SFSWAP: variants seen among roughly 807,000 people sequenced by gnomAD.
SFSWAP encodes the protein splicing factor, suppressor of white-apricot homolog.
A neutral mutation model predicts 100.7 loss-of-function variants in SFSWAP; 17 were observed. The observed-to-expected ratio is 0.17, with a 90% CI of 0.12 to 0.25. The LOEUF is 0.25. Ranked by LOEUF, SFSWAP falls within the 10% of genes least tolerant of loss-of-function variation. The pLI is 1.00. For missense variants in SFSWAP, 1,005 were observed against 1,262.6 expected, an observed-to-expected ratio of 0.80 and a Z score of 3.09; for synonymous variants, 504 against 510.1, an observed-to-expected ratio of 0.99 and a Z score of 0.16.
In SFSWAP at chr12:131,786,552, G is replaced by A. The variant is rs773451916; in HGVS notation, c.2498G>A (p.Arg833His). The change falls in exon 15 of 18, where the codon CGC becomes CAC. Residue 833 changes from arginine to histidine, a missense_variant. Arg to His is a conservative substitution (Grantham distance 29). This residue lies in a region of SFSWAP where 295 missense variants were observed against 347.9 expected (regional missense o/e 0.85). Coordinates refer to ENST00000261674, the MANE Select transcript of SFSWAP (RefSeq NM_004592.4). ...GTGCCCACTGCCTACCGCGTGAGCC[G>A]CAGCCCTGGGGCCAGTAGGAAGCGG... Reference protein sequence around the residue: ...RSVPTAYRVSRSPGASRKRTR... With the variant: ...RSVPTAYRVSHSPGASRKRTR... 22 of 1,587,752 alleles carry A rather than the reference G, an allele frequency of 1.4e-5. No homozygotes were observed. The highest frequency in any genetic ancestry group is 5.7e-5 in the South Asian group (5 of 87,080).
At position 131,766,106 on chromosome 12, in the gene SFSWAP, T is replaced by C; in HGVS notation, c.1952-12T>C. ...CTCTAAACTTCTCTTTTTTCTTTGT[T>C]TATTCCTTAAGCAAAGCAAAAGCTG... is the stretch of plus-strand genomic sequence containing the variant. On this transcript the variant is annotated splice_polypyrimidine_tract_variant and intron_variant, in intron 12 of 17. Coordinates refer to ENST00000261674, the MANE Select transcript of SFSWAP (RefSeq NM_004592.4). The C allele has an allele frequency of 6.3e-7, 1 of 1,591,218 alleles. No homozygotes were observed. Among genetic ancestry groups the C allele is most frequent in the Non-Finnish European group, 8.5e-7 (1 of 1,172,360 alleles).
chr12:131,772,115 C>T (rs1003014968), intron 13 of SFSWAP, among the ~76,000 whole-genome samples: 9 of 152,138 alleles, frequency 5.9e-5, no homozygotes, highest in African/African-American at 1.7e-4. Flanking sequence ...ATTTTTTCCC[C>T]GGTACATTTC....
rs199513769 is a variant in SFSWAP, at chr12:131,799,470, G to C, written c.2838G>C (p.Leu946=). 2.1e-4 allele frequency: 331 copies of C among 1,614,064 alleles called. 3 individuals are homozygous for C. In the South Asian group the frequency reaches 3.3e-3, roughly 16 times the overall value. The stretch of plus-strand genomic sequence containing the variant: ...CGATGCTTGCAGCTTCCAAAAACCT[G>C]CAAACCAGCGCTTCCTGAGACGGGG... ...VRAMLAASKN[L]QTSAS Residue 946 remains leucine, a synonymous_variant, in exon 18 of 18, where the codon CTG becomes CTC. Transcript: ENST00000261674.
chr12:131,744,155 C>T lies in SFSWAP; in HGVS notation c.1082-8968C>T, dbSNP rs974231034. On this transcript the variant is annotated intron_variant, in intron 7 of 17. Transcript: ENST00000261674. Reference sequence around the variant, plus strand: ...TGACATGTTCTAGAGACATTTTCTGCATTGTCTTGGGGATTCACATTCGGC... The same window carrying T: ...TGACATGTTCTAGAGACATTTTCTGTATTGTCTTGGGGATTCACATTCGGC... 4.0e-4 allele frequency among the ~76,000 whole-genome samples: 61 copies of T among 152,228 alleles called. 1 individual carries two copies.
chr12:131,759,668 G>A (rs1487320852), intron 11 of SFSWAP, among the ~76,000 whole-genome samples: 1 of 152,118 alleles, frequency 6.6e-6, no homozygotes, highest in Non-Finnish European at 1.5e-5. Context: ...GGGCGTGGTG[G>A]CGGGCGCCTG....
At chr12:131,789,670 C>T (rs1885120438) in intron 15 of SFSWAP, among the ~76,000 whole-genome samples, 2 of 151,516 alleles carry the variant, frequency 1.3e-5, no homozygotes, top group Admixed American at 1.3e-4. Context: ...CTCCCTCCCT[C>T]CTCCGTTCGT....
At chr12:131,753,512 T>C in intron 8 of SFSWAP, 149 bp downstream of exon 8, 1 of 1,071,090 alleles carries the variant, frequency 9.3e-7, no homozygotes. Flanking sequence ...ATCCCCAAGT[T>C]ACAAAGTTGA....
At chr12:131,735,971 C>G (rs1344495779) in intron 7 of SFSWAP, among the ~76,000 whole-genome samples, 1 of 152,226 alleles carries the variant, frequency 6.6e-6, no homozygotes, top group Non-Finnish European at 1.5e-5. Context: ...AGAGACTCTA[C>G]TGTTAAAAGC....
At chr12:131,768,125 C>T (rs758525214) in intron 13 of SFSWAP, among the ~76,000 whole-genome samples, 13 of 152,232 alleles carry the variant, frequency 8.5e-5, no homozygotes, top group Non-Finnish European at 1.3e-4. Flanking sequence ...GACTGCTCTG[C>T]CCTGAATACT....
At position 131,714,577 on chromosome 12, in the gene SFSWAP, A is replaced by C. The variant is rs1225787116; in HGVS notation, c.389-245A>C. On this transcript the variant is annotated intron_variant, in intron 2 of 17. Coordinates refer to ENST00000261674, the MANE Select transcript of SFSWAP (RefSeq NM_004592.4). This position sits in a 1 kb window ranked among gnomAD's most constrained non-coding sequence, Gnocchi z 6.0. ...GTCTTTAATACAGTTCTTAATCCCA[A>C]AATTTTCTCAGCAGGAAGAAATTTT... 1.9e-6 allele frequency: 1 copy of C among 521,020 alleles called. No individual in the cohort carries two copies. Among genetic ancestry groups the C allele is most frequent in the African/African-American group, 1.9e-5 (1 of 52,782 alleles). 32.3% of individuals were successfully genotyped at this position (521,020 alleles called of 1,614,324 possible). A position where few individuals can be genotyped will look rare whatever the true frequency, so the allele number is the denominator to read the frequency against.
At chr12:131,740,476 C>A (rs1443355333) in intron 7 of SFSWAP, among the ~76,000 whole-genome samples, 1 of 152,150 alleles carries the variant, frequency 6.6e-6, no homozygotes, top group African/African-American at 2.4e-5. Flanking sequence ...ATATTGTATA[C>A]CTTTCAGTCA....
intron 15 of SFSWAP, among the ~76,000 whole-genome samples, chr12:131,789,426 A>C (rs939434836): frequency 2.0e-5 from 3 of 152,134 alleles, no homozygotes; most frequent in African/African-American, 7.2e-5. Context: ...GGAGGCCAAG[A>C]TAGCAGGATC....
At chr12:131,799,250 G>A in intron 17 of SFSWAP, 141 bp downstream of exon 17, 1 of 1,003,754 alleles carries the variant, frequency 1.0e-6, no homozygotes, top group South Asian at 1.4e-5. Context: ...GGCTCTGGGT[G>A]AGGCCGAGGG....
In SFSWAP at chr12:131,730,634, G is replaced by A. The variant is rs1011796984; in HGVS notation, c.1081+2206G>A. On this transcript the variant is annotated intron_variant, in intron 7 of 17. Coordinates refer to ENST00000261674, the MANE Select transcript of SFSWAP (RefSeq NM_004592.4). This position sits in a 1 kb window ranked among gnomAD's most constrained non-coding sequence, Gnocchi z 4.0. ...CATTCCCAAGGGTTCACCGCAGGGC[G>A]GCCAGAGCCCACACACTTTGGTTTC... 7.9e-5 allele frequency among the ~76,000 whole-genome samples: 12 copies of A among 152,142 alleles called. No homozygotes were observed. The highest frequency in any genetic ancestry group is 2.4e-4 in the African/African-American group (10 of 41,430).
chr12:131,788,520 C>CT (rs1306490921), intron 15 of SFSWAP, among the ~76,000 whole-genome samples: 1 of 150,076 alleles, frequency 6.7e-6, no homozygotes, highest in Non-Finnish European at 1.5e-5. Context: ...GTTTTGTTTT[C>CT]TTTTGGGGGC....
chr12:131,753,916 C>T (rs765550205), intron 8 of SFSWAP, among the ~76,000 whole-genome samples: 1 of 152,130 alleles, frequency 6.6e-6, no homozygotes, highest in Non-Finnish European at 1.5e-5. Context: ...CCTGGAATGC[C>T]CTGCCTTGAA....
chr12:131,714,618 A>C lies in SFSWAP; in HGVS notation c.389-204A>C. Reference sequence around the variant, plus strand: ...AAGAAATTTTCCACAAAAGACGTGTATTCAGCTGTCTGTGGGTAAACATGT... The same window carrying C: ...AAGAAATTTTCCACAAAAGACGTGTCTTCAGCTGTCTGTGGGTAAACATGT... On this transcript the variant is annotated intron_variant, in intron 2 of 17. Transcript: ENST00000261674. The surrounding 1 kb of genome is among the most constrained non-coding windows in gnomAD (Gnocchi z 6.0). 5 of 564,018 alleles carry C rather than the reference A, an allele frequency of 8.9e-6. No homozygotes were observed. Among genetic ancestry groups the C allele is most frequent in the East Asian group, 3.0e-5 (1 of 33,078 alleles). The allele number at this position is 564,018 out of a possible 1,614,324, so 34.9% of individuals were successfully genotyped here.
intron 15 of SFSWAP, 79 bp downstream of exon 15, chr12:131,786,667 A>G (rs1231103949): frequency 1.4e-6 from 2 of 1,460,054 alleles, no homozygotes; most frequent in Non-Finnish European, 1.8e-6. Context: ...AAGGTCGGGT[A>G]TCTGTGAGCA....
intron 11 of SFSWAP, among the ~76,000 whole-genome samples, chr12:131,760,629 G>C (rs1384506856): frequency 6.6e-6 from 1 of 152,132 alleles, no homozygotes; most frequent in Non-Finnish European, 1.5e-5. Context: ...TCTATACATG[G>C]ATGTTCGTTG....
Sources: gnomAD v4.1 joint callset for allele counts (sites outside exome capture counted in the v4.1 genomes callset) on GRCh38, gnomAD v4.1.1 for gene constraint, gnomAD v4.1.1 regional missense constraint, Gnocchi (gnomAD v3.1) non-coding constraint, MANE v1.5 for transcripts, NCBI Gene and HGNC (gene_info 2026-07-23, HGNC 2026-07-21) for gene names.